URI1: variants seen among roughly 807,000 people sequenced by gnomAD.
The protein encoded by URI1 is unconventional prefoldin RPB5 interactor 1.
Under a neutral mutation model 60.2 loss-of-function variants are expected in URI1, and 39 were observed. The ratio of observed to expected loss-of-function variants is 0.65; its 90% confidence interval spans 0.50 to 0.85. URI1 has a LOEUF of 0.85. Among genes scored for constraint, URI1 ranks in the 40% least tolerant of loss-of-function variants. The probability of loss-of-function intolerance (pLI) is 0.00; values close to 1 mark genes in which losing one functional copy is unlikely to be tolerated. For synonymous variants in URI1, 251 were observed against 236.8 expected (o/e 1.06, Z -0.55); for missense variants, 691 against 665.9 (o/e 1.04, Z -0.42).
chr19:30,000,055 C>A (rs2055859013), intron 4 of URI1, among the ~76,000 whole-genome samples: 1 of 151,510 alleles, frequency 6.6e-6, no homozygotes, highest in African/African-American at 2.4e-5. Flanking sequence ...TTTACATGTC[C>A]TCCCTGTCTC....
intron 1 of URI1, among the ~76,000 whole-genome samples, chr19:29,927,830 G>T (rs892443164): frequency 6.6e-6 from 1 of 151,966 alleles, no homozygotes; most frequent in Non-Finnish European, 1.5e-5. Context: ...GCCCACCTCG[G>T]CCTCCCAAAA....
rs578041037 is a variant in URI1 at position 30,011,776 on chromosome 19, A to G, written c.1179-509A>G. The stretch of plus-strand genomic sequence containing the variant: ...ATGTAGAATTTTGGCAAACCATGCT[A>G]TTGCCACCTAGGACATGCTTAAAAA... On this transcript the variant is annotated intron_variant, in intron 9 of 10. Transcript: ENST00000392271. Among the ~76,000 whole-genome samples the G allele has an allele frequency of 4.6e-5, 7 of 151,738 alleles. No homozygotes were observed. The South Asian group carries it at 8.4e-4, about 18-fold the overall frequency.
At chr19:29,984,463 T>G (rs1181226597) in intron 2 of URI1, among the ~76,000 whole-genome samples, 2 of 152,060 alleles carry the variant, frequency 1.3e-5, no homozygotes, top group Non-Finnish European at 2.9e-5. Context: ...TCATCTTGAG[T>G]CCCTTCTTCT....
chr19:29,932,853 A>G (rs2145200150), intron 1 of URI1, among the ~76,000 whole-genome samples: 1 of 149,672 alleles, frequency 6.7e-6, no homozygotes, highest in Non-Finnish European at 1.5e-5. Context: ...GAATTTCACC[A>G]TGTTGGCCAG....
rs537337778 is a variant in URI1 at position 29,997,570 on chromosome 19, C to A, written c.368-7791C>A. ...ATTCTCTAATCTTTGTTATTCCTTT[C>A]TTCTGTTAGCTTTGGGTTCAGTTTA... On this transcript the variant is annotated intron_variant, in intron 4 of 10. Coordinates refer to ENST00000392271, the MANE Select transcript of URI1 (RefSeq NM_003796.3). 5.9e-5 allele frequency among the ~76,000 whole-genome samples: 9 copies of A among 152,062 alleles called. 1 individual carries two copies. The highest frequency in any genetic ancestry group is 3.4e-3 in the Middle Eastern group (1 of 292).
At chr19:30,011,499 A>G (rs922056729) in intron 9 of URI1, among the ~76,000 whole-genome samples, 2 of 151,792 alleles carry the variant, frequency 1.3e-5, no homozygotes, top group African/African-American at 4.8e-5. Context: ...TAGTCAGAAA[A>G]TCTTGTATCT....
intron 4 of URI1, among the ~76,000 whole-genome samples, chr19:29,990,232 A>G (rs189584799): frequency 2.0e-4 from 30 of 152,328 alleles, no homozygotes; most frequent in African/African-American, 6.5e-4. Context: ...GGTTATAATA[A>G]AAAAGACAGT....
Position 30,005,648 on chromosome 19 carries a change from C to G in URI1, c.460-3C>G. On this transcript the variant is annotated splice_polypyrimidine_tract_variant and splice_region_variant and intron_variant, in intron 5 of 10. Coordinates refer to ENST00000392271, the MANE Select transcript of URI1 (RefSeq NM_003796.3). The stretch of plus-strand genomic sequence containing the variant: ...ATACGCTTTTTTTTTGTTTAAAAAC[C>G]AGGCTGCAGGTGATATTGTTGACAT... 1 of 1,605,086 alleles carries G rather than the reference C, an allele frequency of 6.2e-7. No homozygotes were observed. The highest frequency in any genetic ancestry group is 1.1e-5 in the South Asian group (1 of 88,772).
chr19:30,012,287 C>G lies in URI1; in HGVS notation c.1181C>G (p.Ala394Gly). ...CATATGTGTTTTGAATATCACAGAG[C>G]CTTTGTTGATGTTGTGAATGGAGAA... ...TIRTPADIYR[A>G]FVDVVNGEYV... The change falls in exon 10 of 11, where the codon GCC becomes GGC. Residue 394 changes from alanine (A) to glycine (G), a missense_variant and splice_region_variant. Transcript: ENST00000392271. The G allele has an allele frequency of 6.2e-7, 1 of 1,612,198 alleles. No homozygotes were observed. The highest frequency in any genetic ancestry group is 8.5e-7 in the Non-Finnish European group (1 of 1,178,538).
intron 1 of URI1, 79 bp from the exon 2 acceptor site, chr19:29,971,114 T>C: frequency 2.1e-5 from 28 of 1,347,534 alleles, no homozygotes; most frequent in Non-Finnish European, 2.8e-5. Flanking sequence ...GCCAATGTTC[T>C]AGTTTTCAGA....
chr19:30,006,488 G>A (rs965262838), intron 6 of URI1, among the ~76,000 whole-genome samples: 4 of 152,086 alleles, frequency 2.6e-5, no homozygotes, highest in Admixed American at 1.3e-4. Context: ...TAAAGGATAT[G>A]TATATTAAAG....
intron 1 of URI1, among the ~76,000 whole-genome samples, chr19:29,928,436 C>T (rs895314800): frequency 6.6e-6 from 1 of 152,176 alleles, no homozygotes; most frequent in African/African-American, 2.4e-5. Flanking sequence ...TCACGAAACG[C>T]CCCTTTCCTT....
rs1412937036 is a variant in URI1 at position 30,015,729 on chromosome 19, CA to C, written c.*664del. On this transcript the variant is annotated 3_prime_UTR_variant, in exon 11 of 11. Coordinates refer to ENST00000392271, the MANE Select transcript of URI1 (RefSeq NM_003796.3). ...CAAAAATGTTGTGAACTTTATGATT[CA>C]AAATTGAGTACAGATATGTCCTTGA... is the stretch of plus-strand genomic sequence containing the variant. 9.6e-6 allele frequency: 7 copies of C among 732,724 alleles called. No homozygotes were observed. The highest frequency in any genetic ancestry group is 1.5e-5 in the Non-Finnish European group (7 of 456,464). The allele number at this position is 732,724 out of a possible 1,614,324, so 45.4% of individuals were successfully genotyped here.
chr19:29,928,238 C>T (rs2054887298), intron 1 of URI1, among the ~76,000 whole-genome samples: 1 of 152,148 alleles, frequency 6.6e-6, no homozygotes, highest in Admixed American at 6.5e-5. Flanking sequence ...GGTTTGCTAG[C>T]AGCAAGAAAA....
chr19:29,979,949 T>G (rs1299873288), intron 2 of URI1, among the ~76,000 whole-genome samples: 1 of 152,172 alleles, frequency 6.6e-6, no homozygotes, highest in East Asian at 1.9e-4. Context: ...GGAGTGTTCC[T>G]TTTCCCACCA....
intron 1 of URI1, among the ~76,000 whole-genome samples, chr19:29,943,249 C>G (rs1378754382): frequency 6.6e-6 from 1 of 152,202 alleles, no homozygotes; most frequent in Middle Eastern, 3.4e-3. Context: ...CCTGAGTCAC[C>G]GCACCCGGCT....
intron 1 of URI1, among the ~76,000 whole-genome samples, chr19:29,969,507 G>A (rs1383519582): frequency 1.3e-5 from 2 of 152,158 alleles, no homozygotes; most frequent in Non-Finnish European, 2.9e-5. Flanking sequence ...AGATTTCCTC[G>A]AAGGTCCTTT....
At chr19:29,986,935 C>A (rs948747309) in intron 4 of URI1, among the ~76,000 whole-genome samples, 5 of 152,078 alleles carry the variant, frequency 3.3e-5, no homozygotes, top group Non-Finnish European at 5.9e-5. Context: ...TAAAACAGCA[C>A]CCTTATCCTT....
chr19:29,968,979 A>C (rs1044780176), intron 1 of URI1, among the ~76,000 whole-genome samples: 2 of 152,130 alleles, frequency 1.3e-5, no homozygotes, highest in Admixed American at 1.3e-4. Context: ...CTTTTCTGCA[A>C]GTAGGTGGAC....
Sources: gnomAD v4.1 joint callset for allele counts (sites outside exome capture counted in the v4.1 genomes callset) on GRCh38, gnomAD v4.1.1 for gene constraint, MANE v1.5 for transcripts, NCBI Gene and HGNC (gene_info 2026-07-23, HGNC 2026-07-21) for gene names.